PRKN: variants seen among roughly 807,000 people sequenced by gnomAD.
PRKN encodes parkin RBR E3 ubiquitin protein ligase, also known as E3 ubiquitin-protein ligase parkin.
A neutral mutation model predicts 59.5 loss-of-function variants in PRKN; 56 were observed. The observed-to-expected ratio is 0.94, with a 90% CI of 0.76 to 1.18. The LOEUF is 1.18. PRKN is among the 50% of genes most tolerant of loss of function. The probability of loss-of-function intolerance (pLI) is 0.00; values close to 1 mark genes in which losing one functional copy is unlikely to be tolerated. For synonymous variants in PRKN, 250 were observed against 222.1 expected (o/e 1.13, Z -1.12); for missense variants, 657 against 596.4 (o/e 1.10, Z -1.06).
chr6:162,615,684 C>T (rs937313303), intron 1 of PRKN, among the ~76,000 whole-genome samples: 1 of 152,138 alleles, frequency 6.6e-6, no homozygotes, highest in Admixed American at 6.5e-5. Context: ...CCTCTTATTC[C>T]ACCATTAATT....
chr6:162,413,177 G>C (rs932739128), intron 2 of PRKN, among the ~76,000 whole-genome samples: 11 of 152,210 alleles, frequency 7.2e-5, no homozygotes, highest in African/African-American at 2.6e-4. Context: ...CTATATAATT[G>C]GCTTTAAAAG....
At chr6:162,080,137 C>T (rs1001370558) in intron 4 of PRKN, among the ~76,000 whole-genome samples, 1 of 151,768 alleles carries the variant, frequency 6.6e-6, no homozygotes, top group Non-Finnish European at 1.5e-5. Context: ...TATTAGAACC[C>T]GGTGAATCGA....
intron 1 of PRKN, among the ~76,000 whole-genome samples, chr6:162,647,264 T>C (rs890849285): frequency 2.8e-4 from 43 of 152,176 alleles, no homozygotes; most frequent in African/African-American, 8.7e-4. Flanking sequence ...AAAGGTAGTA[T>C]TTTGCTAAAT....
Position 162,050,765 on chromosome 6 carries a change from C to T in PRKN, c.618+3326G>A, listed in dbSNP as rs139302972. 1.1e-4 allele frequency among the ~76,000 whole-genome samples: 17 copies of T among 152,186 alleles called. No individual in the cohort carries two copies. The East Asian group carries it at 2.5e-3, about 23-fold the overall frequency. ...CAGGCCCAGAGGAGCGTGGTCCATG[C>T]GGAGCACTGAAGACCTTTGAACTCG... On this transcript the variant is annotated intron_variant, in intron 5 of 11. Transcript: ENST00000366898.
At chr6:162,065,782 C>T (rs1033595554) in intron 4 of PRKN, among the ~76,000 whole-genome samples, 9 of 152,100 alleles carry the variant, frequency 5.9e-5, no homozygotes, top group Non-Finnish European at 1.0e-4. Context: ...CAAGTCATCT[C>T]ATTGTTCAAT....
chr6:161,683,879 A>C (rs1388898897), intron 7 of PRKN, among the ~76,000 whole-genome samples: 1 of 152,192 alleles, frequency 6.6e-6, no homozygotes, highest in African/African-American at 2.4e-5. Flanking sequence ...GCCATGATTT[A>C]AATGAGAGAA....
intron 1 of PRKN, among the ~76,000 whole-genome samples, chr6:162,658,198 TAAA>T (rs1439490888): frequency 2.0e-5 from 3 of 152,194 alleles, no homozygotes; most frequent in Admixed American, 6.5e-5. Flanking sequence ...CTACTGGTCT[TAAA>T]GAAGTTTGTA....
At chr6:162,500,313 A>C (rs1348182369) in intron 1 of PRKN, among the ~76,000 whole-genome samples, 1 of 151,896 alleles carries the variant, frequency 6.6e-6, no homozygotes, top group Non-Finnish European at 1.5e-5. Flanking sequence ...CTGGGATCAC[A>C]GGCGCCCGCC....
At position 161,379,289 on chromosome 6, in the gene PRKN, G is replaced by A. The variant is rs1033174820; in HGVS notation, c.1167+7505C>T. Among the ~76,000 whole-genome samples the A allele has an allele frequency of 5.9e-5, 9 of 152,142 alleles. No homozygotes were observed. Among genetic ancestry groups the A allele is most frequent in the African/African-American group, 2.2e-4 (9 of 41,420 alleles). On this transcript the variant is annotated intron_variant, in intron 10 of 11. Coordinates refer to ENST00000366898, the MANE Select transcript of PRKN (RefSeq NM_004562.3). This position sits in a 1 kb window ranked among gnomAD's most constrained non-coding sequence, Gnocchi z 4.9. Reference sequence around the variant, plus strand: ...CACCCCACCAGGTAAGCCACCTAGAGGTCTTCTCTAAGGGCGAGGGGAATC... The same window carrying A: ...CACCCCACCAGGTAAGCCACCTAGAAGTCTTCTCTAAGGGCGAGGGGAATC...
At chr6:161,524,255 A>C (rs1255279364) in intron 9 of PRKN, among the ~76,000 whole-genome samples, 2 of 152,176 alleles carry the variant, frequency 1.3e-5, no homozygotes, top group African/African-American at 4.8e-5. Flanking sequence ...GACTCCATAT[A>C]ATATTGGGCA....
intron 2 of PRKN, among the ~76,000 whole-genome samples, chr6:162,408,431 A>G (rs1788186438): frequency 6.6e-6 from 1 of 152,256 alleles, no homozygotes; most frequent in African/African-American, 2.4e-5. Context: ...TGCCCTCAAT[A>G]TGATTTTGAG....
intron 1 of PRKN, among the ~76,000 whole-genome samples, chr6:162,530,088 C>A (rs1443635441): frequency 1.3e-5 from 2 of 151,364 alleles, no homozygotes; most frequent in East Asian, 3.9e-4. Context: ...CAAGATCACG[C>A]CATTGCACTC....
chr6:162,392,953 G>T (rs1242980739), intron 2 of PRKN, among the ~76,000 whole-genome samples: 1 of 151,760 alleles, frequency 6.6e-6, no homozygotes, highest in African/African-American at 2.4e-5. Context: ...CTCTGACTAG[G>T]CATATAAATC....
chr6:162,369,835 G>A (rs1186117875), intron 2 of PRKN, among the ~76,000 whole-genome samples: 2 of 152,114 alleles, frequency 1.3e-5, no homozygotes, highest in Non-Finnish European at 1.5e-5. Flanking sequence ...CACTAAGGAT[G>A]GCAGACCTAG....
At chr6:161,863,384 T>G (rs1273901776) in intron 6 of PRKN, among the ~76,000 whole-genome samples, 1 of 151,870 alleles carries the variant, frequency 6.6e-6, no homozygotes, top group Non-Finnish European at 1.5e-5. Context: ...AAATTATCAA[T>G]CTGCTCAGGA....
chr6:161,921,483 A>C (rs899295055), intron 6 of PRKN, among the ~76,000 whole-genome samples: 20 of 152,346 alleles, frequency 1.3e-4, no homozygotes, highest in South Asian at 4.1e-4. Context: ...ACTGTACTTC[A>C]TATGTGCTAT....
intron 6 of PRKN, among the ~76,000 whole-genome samples, chr6:161,816,194 T>A (rs78845438): frequency 6.6e-6 from 1 of 152,028 alleles, no homozygotes; most frequent in Non-Finnish European, 1.5e-5. Context: ...AGCTGGGACA[T>A]ATGCAGCAGC....
intron 1 of PRKN, among the ~76,000 whole-genome samples, chr6:162,596,631 A>G (rs1781504796): frequency 6.6e-6 from 1 of 152,216 alleles, no homozygotes; most frequent in Non-Finnish European, 1.5e-5. Flanking sequence ...TTTCTACCAT[A>G]AAAGAAAATG....
chr6:161,513,123 T>C lies in PRKN; in HGVS notation c.1083+35731A>G, dbSNP rs74689067. ...GTTTAGGAGTTTCCTATTTGGCGAC[T>C]CATGAAAATGATAGACTGGTTTCTA... On this transcript the variant is annotated intron_variant, in intron 9 of 11. Coordinates refer to ENST00000366898, the MANE Select transcript of PRKN (RefSeq NM_004562.3). 2.2e-4 allele frequency among the ~76,000 whole-genome samples: 33 copies of C among 152,356 alleles called. No individual in the cohort carries two copies. In the East Asian group the frequency reaches 6.4e-3, roughly 29 times the overall value.
Sources: gnomAD v4.1 joint callset for allele counts (sites outside exome capture counted in the v4.1 genomes callset) on GRCh38, gnomAD v4.1.1 for gene constraint, Gnocchi (gnomAD v3.1) non-coding constraint, MANE v1.5 for transcripts, NCBI Gene and HGNC (gene_info 2026-07-23, HGNC 2026-07-21) for gene names.